The following RPL39 variants were observed in gnomAD, a reference collection of about 807,000 sequenced individuals.
RPL39 encodes the protein large ribosomal subunit protein eL39.
For missense variants in RPL39, 6 were observed against 37.2 expected, an observed-to-expected ratio of 0.16 and a Z score of 2.18; for synonymous variants, 8 against 11.4, an observed-to-expected ratio of 0.70 and a Z score of 0.60.
At chrX:119,790,644 G>A (rs1026494097) in intron 1 of RPL39, 2 of 111,896 alleles carry the variant, frequency 1.8e-5, no homozygotes, top group Non-Finnish European at 3.8e-5. Flanking sequence ...AAAAATAAAT[G>A]AAATGTCACT....
At chrX:119,787,118 G>A (rs985768396) in intron 2 of RPL39, among the ~76,000 whole-genome samples, 3 of 110,470 alleles carry the variant, frequency 2.7e-5, no homozygotes, top group African/African-American at 9.9e-5. Flanking sequence ...AGACAGAGTC[G>A]CCCGCCCCCC....
At position 119,786,510 on chromosome X, in the gene RPL39, A is replaced by G; in HGVS notation, c.*174T>C. On this transcript the variant is annotated 3_prime_UTR_variant, in exon 3 of 3. Transcript: ENST00000361575. ...AACCACAATACAACAGCAATTAAAAAGAAAGGCCTTACATATTTATTACTG... is the reference window on the plus strand; with the variant it reads ...AACCACAATACAACAGCAATTAAAAGGAAAGGCCTTACATATTTATTACTG... 1 of 420,426 alleles carries G rather than the reference A, an allele frequency of 2.4e-6. No homozygotes were observed. Among genetic ancestry groups the G allele is most frequent in the East Asian group, 3.9e-5 (1 of 25,811 alleles). 34.6% of individuals were successfully genotyped at this position (420,426 alleles called of 1,213,427 possible). A position where few individuals can be genotyped will look rare whatever the true frequency, so the allele number is the denominator to read the frequency against.
At chrX:119,787,931 A>G (rs1483139561) in intron 2 of RPL39, among the ~76,000 whole-genome samples, 1 of 111,461 alleles carries the variant, frequency 9.0e-6, no homozygotes, top group Non-Finnish European at 1.9e-5. Flanking sequence ...AAGTGCTGGG[A>G]TTATAAGTAT....
chrX:119,787,215 T>C (rs1448541064), intron 2 of RPL39: 3 of 267,669 alleles, frequency 1.1e-5, no homozygotes, highest in Non-Finnish European at 2.1e-5. Flanking sequence ...TCGAACTGGC[T>C]GGACTTCGAG....
At chrX:119,791,337 G>A (rs931763164) in intron 1 of RPL39, 4 of 301,047 alleles carry the variant, frequency 1.3e-5, no homozygotes, top group African/African-American at 8.3e-5. Flanking sequence ...GCCGGGCAAA[G>A]AAAGAGCCCC....
intron 2 of RPL39, among the ~76,000 whole-genome samples, chrX:119,788,101 A>G (rs910178994): frequency 1.8e-5 from 2 of 112,091 alleles, no homozygotes; most frequent in Non-Finnish European, 3.8e-5. Flanking sequence ...TAACTAGCCC[A>G]TAACATTACA....
chrX:119,787,903 C>T (rs1220341550), intron 2 of RPL39, among the ~76,000 whole-genome samples: 1 of 111,340 alleles, frequency 9.0e-6, no homozygotes, highest in East Asian at 2.8e-4. Context: ...AGCAATCCTC[C>T]TGCGTTGGCC....
chrX:119,787,090 C>T (rs986703413), intron 2 of RPL39, among the ~76,000 whole-genome samples: 2 of 87,574 alleles, frequency 2.3e-5, no homozygotes, highest in Non-Finnish European at 5.1e-5. Context: ...TAAAAGCTCC[C>T]GCATGATATT....
Position 119,791,598 on chromosome X carries a change from C to T in RPL39, c.-22G>A. 1 of 1,174,342 alleles carries T rather than the reference C, an allele frequency of 8.5e-7. No individual in the cohort carries two copies. Among genetic ancestry groups the T allele is most frequent in the Non-Finnish European group, 1.1e-6 (1 of 876,024 alleles). ...CCATGGCGAGCAGCGGAGTCAAGAA[C>T]ACACCACGATGGCGGAGAAAGGAAG... is the stretch of plus-strand genomic sequence containing the variant. On this transcript the variant is annotated 5_prime_UTR_variant, in exon 1 of 3. Coordinates refer to ENST00000361575, the MANE Select transcript of RPL39 (RefSeq NM_001000.4).
chrX:119,791,580 G>T lies in RPL39; in HGVS notation c.-4C>A. ...TGGGGGCCGATGGACTTACCATGGCGAGCAGCGGAGTCAAGAACACACCAC... is the reference window on the plus strand; with the variant it reads ...TGGGGGCCGATGGACTTACCATGGCTAGCAGCGGAGTCAAGAACACACCAC... On this transcript the variant is annotated 5_prime_UTR_variant, in exon 1 of 3. Transcript: ENST00000361575. 1 of 1,173,955 alleles carries T rather than the reference G, an allele frequency of 8.5e-7. No individual in the cohort carries two copies. The highest frequency in any genetic ancestry group is 2.4e-5 in the Admixed American group (1 of 42,192).
At chrX:119,789,549 T>A (rs1362778335) in intron 2 of RPL39, among the ~76,000 whole-genome samples, 1 of 109,896 alleles carries the variant, frequency 9.1e-6, no homozygotes, top group Non-Finnish European at 1.9e-5. Flanking sequence ...AGAGCGAGAC[T>A]CCGTCTCAAA....
At chrX:119,788,601 G>GT (rs1196665540) in intron 2 of RPL39, among the ~76,000 whole-genome samples, 2 of 111,073 alleles carry the variant, frequency 1.8e-5, no homozygotes, top group African/African-American at 3.3e-5. Flanking sequence ...TCTACAACAG[G>GT]TACACAAATT....
chrX:119,791,595 G>C lies in RPL39; in HGVS notation c.-19C>G, dbSNP rs183780506. On this transcript the variant is annotated 5_prime_UTR_variant, in exon 1 of 3. Coordinates refer to ENST00000361575, the MANE Select transcript of RPL39 (RefSeq NM_001000.4). ...TTACCATGGCGAGCAGCGGAGTCAAGAACACACCACGATGGCGGAGAAAGG... is the reference window on the plus strand; with the variant it reads ...TTACCATGGCGAGCAGCGGAGTCAACAACACACCACGATGGCGGAGAAAGG... The C allele has an allele frequency of 4.3e-6, 5 of 1,173,864 alleles. No homozygotes were observed. In the African/African-American group the frequency reaches 7.1e-5, roughly 17 times the overall value.
chrX:119,791,543 C>T, intron 1 of RPL39, 31 bp downstream of exon 1: 1 of 1,142,069 alleles, frequency 8.8e-7, no homozygotes, highest in South Asian at 2.1e-5. Flanking sequence ...TGGGAAGCCA[C>T]CCCGGGGCCG....
intron 2 of RPL39, among the ~76,000 whole-genome samples, chrX:119,788,260 G>A (rs2055678722): frequency 8.9e-6 from 1 of 111,871 alleles, no homozygotes; most frequent in Admixed American, 9.6e-5. Context: ...CTGGCTGGGC[G>A]CGGTGGCTCA....
intron 2 of RPL39, 99 bp downstream of exon 2, chrX:119,789,809 T>C: frequency 2.0e-6 from 1 of 497,727 alleles, no homozygotes; most frequent in Non-Finnish European, 3.6e-6. Context: ...TTGGATTGCA[T>C]GCAATTTTAA....
At chrX:119,789,800 T>G (rs1481456987) in intron 2 of RPL39, 108 bp downstream of exon 2, 1 of 476,907 alleles carries the variant, frequency 2.1e-6, no homozygotes, top group East Asian at 3.5e-5. Context: ...AAGGGTGGAT[T>G]GGATTGCATG....
At chrX:119,789,680 G>A (rs775437002) in intron 2 of RPL39, among the ~76,000 whole-genome samples, 5 of 112,853 alleles carry the variant, frequency 4.4e-5, no homozygotes, top group Non-Finnish European at 9.4e-5. Flanking sequence ...AGATGACCAG[G>A]AAATTAATAA....
intron 2 of RPL39, among the ~76,000 whole-genome samples, chrX:119,788,307 G>A (rs1180220585): frequency 1.8e-5 from 2 of 111,515 alleles, no homozygotes; most frequent in African/African-American, 3.3e-5. Flanking sequence ...GCAGAGGCGC[G>A]TGAATCACGA....
Sources: gnomAD v4.1 joint callset for allele counts (sites outside exome capture counted in the v4.1 genomes callset) on GRCh38, gnomAD v4.1.1 for gene constraint, MANE v1.5 for transcripts, NCBI Gene and HGNC (gene_info 2026-07-23, HGNC 2026-07-21) for gene names.